Variants in FAM81A observed in about 807,000 individuals in gnomAD.
FAM81A encodes protein FAM81A.
Under a neutral mutation model 46.7 loss-of-function variants are expected in FAM81A, and 19 were observed. The observed-to-expected ratio is 0.41, with a 90% confidence interval of 0.28 to 0.60. FAM81A has a LOEUF of 0.60. Ranked by LOEUF, FAM81A falls within the 20% of genes least tolerant of loss-of-function variation. FAM81A has a pLI of 0.34. For missense variants in FAM81A, 377 were observed against 453.5 expected, an observed-to-expected ratio of 0.83 and a Z score of 1.53; for synonymous variants, 183 against 152.9, an observed-to-expected ratio of 1.20 and a Z score of -1.45.
At chr15:59,455,850 G>A (rs375190106) in intron 1 of FAM81A, among the ~76,000 whole-genome samples, 4 of 152,254 alleles carry the variant, frequency 2.6e-5, no homozygotes, top group African/African-American at 9.6e-5. Flanking sequence ...TAATATTTGG[G>A]ATTCAGTCTT....
At chr15:59,481,613 T>G (rs527563757) in intron 3 of FAM81A, among the ~76,000 whole-genome samples, 6 of 152,216 alleles carry the variant, frequency 3.9e-5, no homozygotes, top group African/African-American at 1.4e-4. Flanking sequence ...TAAAAACCCT[T>G]TATGAACATC....
At chr15:59,457,836 T>C (rs1292101949) in intron 1 of FAM81A, among the ~76,000 whole-genome samples, 4 of 152,210 alleles carry the variant, frequency 2.6e-5, no homozygotes, top group African/African-American at 9.6e-5. Context: ...TAGGCATTCA[T>C]TATTTTAAGG....
intron 3 of FAM81A, among the ~76,000 whole-genome samples, chr15:59,486,631 G>T (rs1181364216): frequency 6.6e-6 from 1 of 152,040 alleles, no homozygotes; most frequent in Non-Finnish European, 1.5e-5. Flanking sequence ...CAGAGGTCAA[G>T]GATAAAGAAG....
chr15:59,438,853 CGTT>C (rs1171399886), intron 1 of FAM81A, among the ~76,000 whole-genome samples: 1 of 152,064 alleles, frequency 6.6e-6, no homozygotes, highest in African/African-American at 2.4e-5. Flanking sequence ...GAAATGTTAT[CGTT>C]GTCTGGAAGA....
chr15:59,413,929 C>T (rs1158456777), intron 2 of FAM81A, among the ~76,000 whole-genome samples: 2 of 151,998 alleles, frequency 1.3e-5, no homozygotes, highest in Non-Finnish European at 2.9e-5. Context: ...AGAATGGTAG[C>T]CCTCCCAAAG....
chr15:59,464,241 C>T (rs1032865271), intron 3 of FAM81A, among the ~76,000 whole-genome samples: 1 of 152,134 alleles, frequency 6.6e-6, no homozygotes, highest in Admixed American at 6.5e-5. Context: ...GGTTTGATTC[C>T]ATATCTTGGC....
chr15:59,465,936 A>G (rs1474547342), intron 3 of FAM81A, among the ~76,000 whole-genome samples: 5 of 152,174 alleles, frequency 3.3e-5, no homozygotes, highest in Non-Finnish European at 5.9e-5. Flanking sequence ...GTGAATGAGA[A>G]CATGCGGTGT....
chr15:59,512,007 A>G (rs1440910745), intron 6 of FAM81A, among the ~76,000 whole-genome samples: 5 of 152,196 alleles, frequency 3.3e-5, no homozygotes, highest in East Asian at 1.9e-4. Context: ...ACAAATGTCC[A>G]TCAACAGAAG....
At chr15:59,399,750 G>A (rs541453200) in intron 1 of FAM81A, among the ~76,000 whole-genome samples, 1 of 152,256 alleles carries the variant, frequency 6.6e-6, no homozygotes, top group East Asian at 1.9e-4. Flanking sequence ...CTCAGGTAAT[G>A]TTCCCAGAGT....
intron 4 of FAM81A, among the ~76,000 whole-genome samples, chr15:59,500,504 G>T (rs1175261269): frequency 4.6e-5 from 7 of 151,880 alleles, no homozygotes; most frequent in Non-Finnish European, 7.4e-5. Flanking sequence ...GTCTCACTGT[G>T]TTGCCCAGGC....
chr15:59,448,057 T>C (rs1244182396), intron 1 of FAM81A, among the ~76,000 whole-genome samples: 1 of 151,992 alleles, frequency 6.6e-6, no homozygotes, highest in Non-Finnish European at 1.5e-5. Flanking sequence ...ATGGTGGCAG[T>C]GGTAGTGGTA....
intron 2 of FAM81A, among the ~76,000 whole-genome samples, chr15:59,403,093 T>G (rs1211758810): frequency 6.6e-6 from 1 of 152,168 alleles, no homozygotes; most frequent in East Asian, 1.9e-4. Context: ...CCTGAGCCAC[T>G]GTCTTTACCT....
chr15:59,452,377 T>A (rs1230510724), intron 1 of FAM81A, among the ~76,000 whole-genome samples: 1 of 152,248 alleles, frequency 6.6e-6, no homozygotes, highest in African/African-American at 2.4e-5. Flanking sequence ...CTGAGCGTAG[T>A]GGCTCACGCC....
intron 4 of FAM81A, among the ~76,000 whole-genome samples, chr15:59,506,915 A>G (rs892291217): frequency 1.3e-5 from 2 of 152,232 alleles, no homozygotes; most frequent in South Asian, 2.1e-4. Context: ...CATCCAGCAC[A>G]CTAGCTATGC....
intron 2 of FAM81A, 39 bp downstream of exon 2, chr15:59,458,685 A>C (rs1367647060): frequency 6.4e-7 from 1 of 1,566,286 alleles, no homozygotes; most frequent in African/African-American, 1.4e-5. Flanking sequence ...GGGGGCTGCT[A>C]GTGGGTGTGA....
chr15:59,492,527 T>C (rs16941446), intron 4 of FAM81A, 138 bp downstream of exon 4: 43,983 of 667,982 alleles, frequency 0.066, 1,593 homozygotes, highest in African/African-American at 0.076. Flanking sequence ...GCTTTGGCCA[T>C]AAAATCCAGT....
intron 6 of FAM81A, among the ~76,000 whole-genome samples, chr15:59,509,190 T>C (rs1436505515): frequency 6.6e-6 from 1 of 152,228 alleles, no homozygotes; most frequent in Non-Finnish European, 1.5e-5. Flanking sequence ...CAAGTGTATA[T>C]TGAGTATTCA....
At position 59,498,780 on chromosome 15, in the gene FAM81A, G is replaced by A. The variant is rs8031471; in HGVS notation, c.413+6391G>A. 6.6e-3 allele frequency among the ~76,000 whole-genome samples: 1,011 copies of A among 152,148 alleles called. 12 individuals are homozygous for A. The highest frequency in any genetic ancestry group is 0.023 in the African/African-American group (957 of 41,508). On this transcript the variant is annotated intron_variant, in intron 4 of 8. Transcript: ENST00000288228. The stretch of plus-strand genomic sequence containing the variant: ...AGTGATTCTCCTGCCTCAGCCTCCC[G>A]AGTAGCCGGGATTACAGGTGCCTGC...
intron 2 of FAM81A, among the ~76,000 whole-genome samples, chr15:59,421,729 G>GTCTGTCTCTCTA (rs199854304): frequency 7.8e-6 from 1 of 128,870 alleles, no homozygotes; most frequent in African/African-American, 3.2e-5. Context: ...CTGTCTGTCT[G>GTCTGTCTCTCTA]TCTATCTATC....
Sources: allele counts gnomAD v4.1 joint callset (sites outside exome capture counted in the v4.1 genomes callset), GRCh38; gene constraint gnomAD v4.1.1; transcripts MANE v1.5; gene names NCBI Gene and HGNC (gene_info 2026-07-23, HGNC 2026-07-21).